Variants in UPRT observed in about 807,000 individuals in gnomAD.
UPRT encodes the protein RP11-311P8.3.
In UPRT, 5 loss-of-function variants were observed where a neutral mutation model predicts 22.6. The ratio of observed to expected loss-of-function variants is 0.22; its 90% CI spans 0.12 to 0.47. The LOEUF is 0.47. Ranked by LOEUF, UPRT falls within the 20% of genes least tolerant of loss-of-function variation. The probability of loss-of-function intolerance (pLI) is 0.99; values close to 1 mark genes in which losing one functional copy is unlikely to be tolerated. For missense variants in UPRT, 181 were observed against 239.9 expected (o/e 0.75, Z 1.62); for synonymous variants, 77 against 87.7 (o/e 0.88, Z 0.68).
chrX:75,160,562 G>A (rs530044253), exon 2 of UPRT, among the ~76,000 whole-genome samples: 1 of 111,655 alleles, frequency 9.0e-6, no homozygotes, highest in Non-Finnish European at 1.9e-5. Context: ...ACAGAGTCTC[G>A]CTCTTGTCAC....
intron 1 of UPRT, among the ~76,000 whole-genome samples, chrX:75,284,350 T>A: frequency 9.0e-6 from 1 of 111,293 alleles, no homozygotes; most frequent in East Asian, 2.8e-4. Context: ...TAGTGTGATT[T>A]TTGGGGGCTG....
intron 4 of UPRT, among the ~76,000 whole-genome samples, chrX:75,181,246 G>T (rs1225011798): frequency 1.8e-5 from 2 of 111,183 alleles, no homozygotes; most frequent in African/African-American, 6.6e-5. Flanking sequence ...ATGTTGTTTT[G>T]GTTACCGTAC....
chrX:75,176,316 C>T (rs2082246454), intron 4 of UPRT, among the ~76,000 whole-genome samples: 1 of 111,386 alleles, frequency 9.0e-6, no homozygotes, highest in African/African-American at 3.3e-5. Flanking sequence ...CTATCATTTA[C>T]TTGACTGAGA....
At chrX:75,271,922 C>A (rs147277892), upstream of UPRT, among the ~76,000 whole-genome samples, 354 of 111,235 alleles carry the variant, frequency 3.2e-3, no homozygotes, top group African/African-American at 0.011. Context: ...CAGAGAGATG[C>A]AAATTAAAAC....
At chrX:75,270,756 G>C (rs2082605804), upstream of UPRT, among the ~76,000 whole-genome samples, 1 of 111,210 alleles carries the variant, frequency 9.0e-6, no homozygotes, top group Admixed American at 9.6e-5. Flanking sequence ...TGGTCTTTCA[G>C]GGTTGGGATG....
chrX:75,272,708 G>A (rs933062547), upstream of UPRT, among the ~76,000 whole-genome samples: 3 of 108,098 alleles, frequency 2.8e-5, no homozygotes, highest in Non-Finnish European at 5.7e-5. Context: ...TAACCAAACA[G>A]CACCTGTTCC....
intron 4 of UPRT, among the ~76,000 whole-genome samples, chrX:75,243,550 T>G (rs1305356107): frequency 8.9e-6 from 1 of 111,877 alleles, no homozygotes; most frequent in East Asian, 2.8e-4. Context: ...ACACCAAATT[T>G]AAGGTGTTAT....
At chrX:75,179,705 C>T (rs1465752970) in intron 4 of UPRT, among the ~76,000 whole-genome samples, 1 of 113,484 alleles carries the variant, frequency 8.8e-6, no homozygotes, top group East Asian at 2.8e-4. Context: ...GAGCGCAGCG[C>T]TGGTGGGCTG....
intron 4 of UPRT, among the ~76,000 whole-genome samples, chrX:75,185,697 G>T (rs1319453285): frequency 8.9e-6 from 1 of 111,946 alleles, no homozygotes. Context: ...CACAATTTCA[G>T]ATCCTGTTAT....
At chrX:75,290,815 G>A (rs1323855641) in intron 1 of UPRT, among the ~76,000 whole-genome samples, 1 of 109,755 alleles carries the variant, frequency 9.1e-6, no homozygotes, top group Non-Finnish European at 1.9e-5. Context: ...GGATGGAGGG[G>A]GACAAGAGTT....
In UPRT at chrX:75,192,837, T is replaced by C. The variant is rs150837655; in HGVS notation, c.-447+24958T>C. Among the ~76,000 whole-genome samples, 336 of 112,190 alleles carry C rather than the reference T, an allele frequency of 3.0e-3. 1 individual carries two copies. Among genetic ancestry groups the C allele is most frequent in the African/African-American group, 9.8e-3 (304 of 30,876 alleles). ...GCAGATTTTTCTCCATTCCTTTACTTTGAGCCTATGGGCATCATTGCATGG... is the reference window on the plus strand; with the variant it reads ...GCAGATTTTTCTCCATTCCTTTACTCTGAGCCTATGGGCATCATTGCATGG... On this transcript the variant is annotated intron_variant, in intron 4 of 13. Transcript: ENST00000652605.
intron 1 of UPRT, among the ~76,000 whole-genome samples, chrX:75,285,178 C>T (rs2082674919): frequency 9.0e-6 from 1 of 111,303 alleles, no homozygotes; most frequent in African/African-American, 3.3e-5. Flanking sequence ...AGTCTGTTTC[C>T]AGGCAGTGGG....
At position 75,263,002 on chromosome X, in the gene UPRT, A is replaced by G. The variant is rs372089205; in HGVS notation, c.-446-28022A>G. On this transcript the variant is annotated intron_variant, in intron 4 of 13. Transcript: ENST00000652605. ...TCCACCCCAAATCAACAGAATATGC[A>G]TTCTTCTCTGCACCTCATCGCACTT... Among the ~76,000 whole-genome samples, 39 of 111,528 alleles carry G rather than the reference A, an allele frequency of 3.5e-4. 1 individual carries two copies. The South Asian group carries it at 0.015, about 42-fold the overall frequency.
At chrX:75,252,936 A>T (rs2082536473) in intron 4 of UPRT, among the ~76,000 whole-genome samples, 1 of 111,713 alleles carries the variant, frequency 9.0e-6, no homozygotes. Flanking sequence ...GCAAACTATC[A>T]CAAGGACAAA....
chrX:75,249,175 A>G (rs193154671), intron 4 of UPRT, among the ~76,000 whole-genome samples: 2 of 111,660 alleles, frequency 1.8e-5, no homozygotes, highest in African/African-American at 6.5e-5. Flanking sequence ...ACCAGCTAAC[A>G]TCATAATGAC....
intron 4 of UPRT, among the ~76,000 whole-genome samples, chrX:75,245,068 ACAAAT>A (rs2082499969): frequency 9.0e-6 from 1 of 110,875 alleles, no homozygotes; most frequent in Non-Finnish European, 1.9e-5. Flanking sequence ...AAAAAACTGA[ACAAAT>A]CAACAAGCAA....
intron 4 of UPRT, among the ~76,000 whole-genome samples, chrX:75,266,941 G>T (rs985752315): frequency 3.6e-5 from 4 of 111,236 alleles, no homozygotes; most frequent in Non-Finnish European, 5.7e-5. Flanking sequence ...GGAAATAACA[G>T]GTTCTGGAGA....
At chrX:75,245,391 C>G (rs188925401) in intron 4 of UPRT, among the ~76,000 whole-genome samples, 1 of 111,351 alleles carries the variant, frequency 9.0e-6, no homozygotes, top group East Asian at 2.8e-4. Flanking sequence ...GGTGAGTTCT[C>G]GAATAAGTCA....
intron 4 of UPRT, among the ~76,000 whole-genome samples, chrX:75,236,623 C>T (rs988874544): frequency 2.7e-5 from 3 of 111,417 alleles, no homozygotes; most frequent in South Asian, 3.8e-4. Flanking sequence ...GGAACAGAAC[C>T]GAGCCCTCTG....
Sources: allele counts gnomAD v4.1 joint callset (sites outside exome capture counted in the v4.1 genomes callset), GRCh38; gene constraint gnomAD v4.1.1; transcripts MANE v1.5; gene names NCBI Gene and HGNC (gene_info 2026-07-23, HGNC 2026-07-21).